The following SYNPO2 variants were observed in gnomAD, a reference collection of about 807,000 sequenced individuals.
SYNPO2 encodes the protein synaptopodin 2, also known as synaptopodin-2.
A neutral mutation model predicts 85.0 loss-of-function variants in SYNPO2; 56 were observed. The observed-to-expected ratio is 0.66, with a 90% CI of 0.53 to 0.82. The LOEUF is 0.82. Ranked by LOEUF, SYNPO2 falls within the 40% of genes least tolerant of loss-of-function variation. The probability of loss-of-function intolerance (pLI) is 0.00; values close to 1 mark genes in which losing one functional copy is unlikely to be tolerated. For synonymous variants in SYNPO2, 602 were observed against 591.1 expected, an observed-to-expected ratio of 1.02 and a Z score of -0.27; for missense variants, 1,575 against 1,534.2, an observed-to-expected ratio of 1.03 and a Z score of -0.44.
Position 119,057,917 on chromosome 4 carries a change from T to G in SYNPO2, c.3769T>G (p.Trp1257Gly). ...CAACTACAACCCACACCCAAGGGGATGGAGACGCCAAACATGAAAGTTAGA... is the reference window on the plus strand; with the variant it reads ...CAACTACAACCCACACCCAAGGGGAGGGAGACGCCAAACATGAAAGTTAGA... ...DYNYNPHPRG[W>G]RRQT The change falls in exon 5 of 5, where the codon TGG becomes GGG. Residue 1257 changes from tryptophan (W) to glycine (G), a missense_variant. Coordinates refer to ENST00000307142, the MANE Select transcript of SYNPO2 (RefSeq NM_133477.3). 1 of 1,610,972 alleles carries G rather than the reference T, an allele frequency of 6.2e-7. No homozygotes were observed. Among genetic ancestry groups the G allele is most frequent in the East Asian group, 2.2e-5 (1 of 44,822 alleles).
At position 119,057,670 on chromosome 4, in the gene SYNPO2, G is replaced by A. The variant is rs1270974350; in HGVS notation, c.3522G>A (p.Glu1174=). 1 of 1,614,132 alleles carries A rather than the reference G, an allele frequency of 6.2e-7. No individual in the cohort carries two copies. Among genetic ancestry groups the A allele is most frequent in the East Asian group, 2.2e-5 (1 of 44,864 alleles). ...GGAAGGTGCTTCCAGGGCCTCCAGA[G>A]GATTGGAATGAAAGACTGTCCTATA... ...ARRKVLPGPP[E]DWNERLSYIP... The change falls in exon 5 of 5, where the codon GAG becomes GAA. Residue 1174 remains glutamate, a synonymous_variant. Coordinates refer to ENST00000307142, the MANE Select transcript of SYNPO2 (RefSeq NM_133477.3).
At chr4:119,009,221 A>G (rs1017794575) in intron 1 of SYNPO2, among the ~76,000 whole-genome samples, 8 of 152,316 alleles carry the variant, frequency 5.3e-5, no homozygotes, top group Middle Eastern at 3.4e-3. Context: ...TGATCTGCCT[A>G]GGGATAAAAT....
intron 1 of SYNPO2, among the ~76,000 whole-genome samples, chr4:118,965,775 A>G (rs1474176289): frequency 6.6e-6 from 1 of 152,136 alleles, no homozygotes; most frequent in Non-Finnish European, 1.5e-5. Context: ...GGAAGTACGT[A>G]CAAGATGATA....
chr4:118,923,857 G>A (rs1369508499), intron 1 of SYNPO2, among the ~76,000 whole-genome samples: 2 of 144,974 alleles, frequency 1.4e-5, no homozygotes, highest in African/African-American at 2.5e-5. Context: ...TCTTGCACGA[G>A]GAAAGGACAG....
At chr4:118,959,584 G>C (rs950908021) in intron 1 of SYNPO2, among the ~76,000 whole-genome samples, 1 of 152,154 alleles carries the variant, frequency 6.6e-6, no homozygotes, top group Non-Finnish European at 1.5e-5. Flanking sequence ...AGGAGTATTT[G>C]TGTACTTTCT....
At chr4:118,907,706 T>A (rs547626949) in intron 1 of SYNPO2, among the ~76,000 whole-genome samples, 1 of 152,274 alleles carries the variant, frequency 6.6e-6, no homozygotes, top group Admixed American at 6.5e-5. Flanking sequence ...ATTTTTGAAA[T>A]ATAAAAATGA....
intron 1 of SYNPO2, among the ~76,000 whole-genome samples, chr4:119,003,080 C>T (rs533969830): frequency 1.5e-4 from 23 of 152,114 alleles, no homozygotes; most frequent in Admixed American, 1.4e-3. Flanking sequence ...TTTTGTCTTG[C>T]TGTATTAGTC....
intron 1 of SYNPO2, among the ~76,000 whole-genome samples, chr4:118,948,573 G>A (rs1316601944): frequency 2.0e-5 from 3 of 152,174 alleles, no homozygotes; most frequent in African/African-American, 7.2e-5. Flanking sequence ...AGGAAGTGTG[G>A]CACCAGCATC....
At chr4:118,926,136 A>G (rs1342146828) in intron 1 of SYNPO2, among the ~76,000 whole-genome samples, 1 of 152,122 alleles carries the variant, frequency 6.6e-6, no homozygotes, top group Admixed American at 6.6e-5. Flanking sequence ...AAATGTAAGC[A>G]CTTCCATGTG....
intron 1 of SYNPO2, among the ~76,000 whole-genome samples, chr4:118,892,591 A>C (rs1180888712): frequency 6.6e-6 from 1 of 152,172 alleles, no homozygotes; most frequent in African/African-American, 2.4e-5. Context: ...AAATCCTCAT[A>C]TAAAGGAGTG....
At chr4:118,987,545 G>A (rs1736265270) in intron 1 of SYNPO2, among the ~76,000 whole-genome samples, 1 of 151,776 alleles carries the variant, frequency 6.6e-6, no homozygotes, top group Non-Finnish European at 1.5e-5. Context: ...AGTGCCTGTG[G>A]TCCCAGATAT....
intron 1 of SYNPO2, among the ~76,000 whole-genome samples, chr4:118,967,259 C>T (rs574849777): frequency 9.3e-4 from 142 of 152,264 alleles, no homozygotes; most frequent in Non-Finnish European, 1.9e-3. Flanking sequence ...CTACCTCTGT[C>T]TCCCTATAGG....
At chr4:118,963,043 A>C (rs1735167254) in intron 1 of SYNPO2, among the ~76,000 whole-genome samples, 1 of 152,208 alleles carries the variant, frequency 6.6e-6, no homozygotes, top group African/African-American at 2.4e-5. Flanking sequence ...GTCATTTTTC[A>C]AAGTAATATA....
intron 1 of SYNPO2, among the ~76,000 whole-genome samples, chr4:118,923,719 G>T (rs928376830): frequency 3.3e-5 from 5 of 152,056 alleles, no homozygotes; most frequent in Non-Finnish European, 7.4e-5. Flanking sequence ...GTTGAGTCCA[G>T]CTGAGAAAAT....
At chr4:118,852,378 C>A (rs1276468275) in intron 1 of SYNPO2, among the ~76,000 whole-genome samples, 2 of 152,098 alleles carry the variant, frequency 1.3e-5, no homozygotes, top group Admixed American at 1.3e-4. Context: ...AGTATATATA[C>A]AAAGGAATAT....
At position 119,059,993 on chromosome 4, in the gene SYNPO2, T is replaced by C. The variant is rs760963874; in HGVS notation, c.*2059T>C. The C allele has an allele frequency of 6.6e-6, 1 of 152,208 alleles. No homozygotes were observed. The highest frequency in any genetic ancestry group is 1.5e-5 in the Non-Finnish European group (1 of 68,036). 9.4% of individuals were successfully genotyped at this position (152,208 alleles called of 1,614,324 possible). Reference sequence around the variant, plus strand: ...TCCCCCACATAAAAGCCTTACTTTGTTCAAAATTTATTATAGTGGTTTAAT... The same window carrying C: ...TCCCCCACATAAAAGCCTTACTTTGCTCAAAATTTATTATAGTGGTTTAAT... On this transcript the variant is annotated 3_prime_UTR_variant, in exon 5 of 5. Coordinates refer to ENST00000307142, the MANE Select transcript of SYNPO2 (RefSeq NM_133477.3).
chr4:118,909,587 T>C (rs1733064463), intron 1 of SYNPO2, among the ~76,000 whole-genome samples: 1 of 152,216 alleles, frequency 6.6e-6, no homozygotes, highest in African/African-American at 2.4e-5. Flanking sequence ...CACTCTTTTT[T>C]CTCATACATA....
chr4:119,039,802 A>G (rs1392479391), intron 4 of SYNPO2, among the ~76,000 whole-genome samples: 1 of 152,070 alleles, frequency 6.6e-6, no homozygotes, highest in African/African-American at 2.4e-5. Flanking sequence ...AATTAAAAAG[A>G]AGACAAGACT....
At chr4:118,854,562 ATTTAC>A (rs1463599048) in intron 1 of SYNPO2, among the ~76,000 whole-genome samples, 1 of 152,204 alleles carries the variant, frequency 6.6e-6, no homozygotes, top group African/African-American at 2.4e-5. Flanking sequence ...GCCATTGTAA[ATTTAC>A]TTTAAAAGTT....
Sources: allele counts gnomAD v4.1 joint callset (sites outside exome capture counted in the v4.1 genomes callset), GRCh38; gene constraint gnomAD v4.1.1; transcripts MANE v1.5; gene names NCBI Gene and HGNC (gene_info 2026-07-23, HGNC 2026-07-21).